The following AMBRA1 variants were observed in gnomAD, a reference collection of about 807,000 sequenced individuals.
AMBRA1 encodes autophagy and beclin 1 regulator 1, also known as activating molecule in BECN1-regulated autophagy protein 1.
Under a neutral mutation model 125.4 loss-of-function variants are expected in AMBRA1, and 47 were observed. The observed-to-expected ratio is 0.37, with a 90% confidence interval of 0.30 to 0.48. AMBRA1 has a LOEUF of 0.48. Ranked by LOEUF, AMBRA1 falls within the 20% of genes least tolerant of loss-of-function variation. The pLI is 0.99. For missense variants in AMBRA1, 1,331 were observed against 1,693.4 expected, an observed-to-expected ratio of 0.79 and a Z score of 3.76; for synonymous variants, 626 against 655.5, an observed-to-expected ratio of 0.95 and a Z score of 0.69.
chr11:46,507,780 C>T (rs966279883), intron 9 of AMBRA1, among the ~76,000 whole-genome samples: 2 of 152,150 alleles, frequency 1.3e-5, no homozygotes, highest in Admixed American at 1.3e-4. Flanking sequence ...TATTTCAGAA[C>T]GAAGACAACA....
intron 11 of AMBRA1, among the ~76,000 whole-genome samples, chr11:46,491,637 T>C (rs1950466679): frequency 6.6e-6 from 1 of 152,224 alleles, no homozygotes; most frequent in Non-Finnish European, 1.5e-5. Context: ...ACTAGTTTAA[T>C]GGTGAATGAA....
intron 11 of AMBRA1, among the ~76,000 whole-genome samples, chr11:46,468,775 G>GCACTC (rs1346024415): frequency 6.7e-6 from 1 of 148,962 alleles, no homozygotes; most frequent in East Asian, 2.0e-4. Context: ...TCACACCACT[G>GCACTC]CACTCCAGCC....
chr11:46,408,213 T>C (rs1304348729), intron 17 of AMBRA1, among the ~76,000 whole-genome samples: 1 of 152,180 alleles, frequency 6.6e-6, no homozygotes, highest in African/African-American at 2.4e-5. Context: ...GAATGGCAGC[T>C]TGCAGGAGGG....
intron 1 of AMBRA1, among the ~76,000 whole-genome samples, chr11:46,551,844 A>G (rs1031869013): frequency 6.6e-6 from 1 of 152,140 alleles, no homozygotes; most frequent in Non-Finnish European, 1.5e-5. Flanking sequence ...CCTGGTCAAC[A>G]TGGTGAAACC....
At chr11:46,539,195 C>A (rs577384679) in intron 7 of AMBRA1, among the ~76,000 whole-genome samples, 1 of 152,104 alleles carries the variant, frequency 6.6e-6, no homozygotes, top group East Asian at 1.9e-4. Context: ...ATACTTTTCT[C>A]TTCGTTTTTA....
intron 7 of AMBRA1, among the ~76,000 whole-genome samples, chr11:46,527,807 TAAC>T (rs1281486225): frequency 6.6e-6 from 1 of 151,530 alleles, no homozygotes; most frequent in Non-Finnish European, 1.5e-5. Context: ...AAACAGGAAA[TAAC>T]AAGTGCTGAC....
At chr11:46,593,499 G>A (rs1016350096) in intron 1 of AMBRA1, among the ~76,000 whole-genome samples, 3 of 152,166 alleles carry the variant, frequency 2.0e-5, no homozygotes, top group Non-Finnish European at 2.9e-5. Flanking sequence ...TCGGGGTGGG[G>A]GGAAAAGGAG....
chr11:46,585,276 G>A (rs1197445972), intron 1 of AMBRA1, among the ~76,000 whole-genome samples: 1 of 151,666 alleles, frequency 6.6e-6, no homozygotes, highest in African/African-American at 2.4e-5. Context: ...TTTATCTGCT[G>A]AGCTTCCCTC....
At chr11:46,566,543 T>A (rs2043539932) in intron 1 of AMBRA1, among the ~76,000 whole-genome samples, 1 of 152,146 alleles carries the variant, frequency 6.6e-6, no homozygotes, top group Admixed American at 6.6e-5. Flanking sequence ...TACAACATTC[T>A]TAAAATGACA....
At chr11:46,564,500 T>C (rs990609497) in intron 1 of AMBRA1, among the ~76,000 whole-genome samples, 1 of 152,014 alleles carries the variant, frequency 6.6e-6, no homozygotes, top group Non-Finnish European at 1.5e-5. Context: ...CAAAATCAAA[T>C]CTGTTGCCAA....
At chr11:46,592,682 C>T (rs113627815) in intron 1 of AMBRA1, among the ~76,000 whole-genome samples, 2 of 151,774 alleles carry the variant, frequency 1.3e-5, no homozygotes, top group East Asian at 1.9e-4. Context: ...CGCTTGAACC[C>T]GGGAGGCAGA....
At chr11:46,412,636 T>C (rs954201349) in intron 15 of AMBRA1, among the ~76,000 whole-genome samples, 1 of 152,154 alleles carries the variant, frequency 6.6e-6, no homozygotes, top group Non-Finnish European at 1.5e-5. Context: ...CAAAATGTTT[T>C]TGATTTATGG....
rs766803928 is a variant in AMBRA1, at chr11:46,543,214, G to A, written c.803C>T (p.Pro268Leu). 1.7e-5 allele frequency: 27 copies of A among 1,607,966 alleles called. No homozygotes were observed. The East Asian group carries it at 5.6e-4, about 33-fold the overall frequency. Residue 268 changes from proline (P) to leucine (L), a missense_variant, in exon 7 of 18, where the codon CCC becomes CTC. By Grantham distance (98) the Pro-to-Leu change is moderately conservative. Transcript: ENST00000683756. ...CTGAGGGGGAGGCGGTGGGGGTGAGGGGGTAGCAGAATCTTGCACTGTGCT... is the reference window on the plus strand; with the variant it reads ...CTGAGGGGGAGGCGGTGGGGGTGAGAGGGTAGCAGAATCTTGCACTGTGCT... ...EQSTVQDSATPSPPPPPPQPS... is the reference protein window; with the variant it reads ...EQSTVQDSATLSPPPPPPQPS...
chr11:46,489,924 T>A (rs1045877239), intron 11 of AMBRA1, among the ~76,000 whole-genome samples: 1 of 152,174 alleles, frequency 6.6e-6, no homozygotes, highest in Non-Finnish European at 1.5e-5. Flanking sequence ...AAGACCCGGT[T>A]TAAAATTCCA....
chr11:46,453,540 G>T (rs1181190027), intron 11 of AMBRA1, among the ~76,000 whole-genome samples: 1 of 152,106 alleles, frequency 6.6e-6, no homozygotes, highest in African/African-American at 2.4e-5. Flanking sequence ...ATACTGTGTG[G>T]AAAACCAGCA....
chr11:46,543,876 G>A, intron 6 of AMBRA1, 99 bp downstream of exon 6: 2 of 960,826 alleles, frequency 2.1e-6, no homozygotes, highest in Middle Eastern at 2.2e-4. Context: ...GATAAGACTT[G>A]GGTATTGAGA....
In AMBRA1 at chr11:46,548,390, T is replaced by A; in HGVS notation, c.-10A>T. On this transcript the variant is annotated 5_prime_UTR_variant, in exon 2 of 18. Transcript: ENST00000683756. ...CTGGGACAACCTTCATGGCGCTCAG[T>A]AGCCACTGTCACACCAGGCCCAGGA... is the stretch of plus-strand genomic sequence containing the variant. 1.2e-6 allele frequency: 2 copies of A among 1,613,398 alleles called. No homozygotes were observed. The highest frequency in any genetic ancestry group is 2.2e-5 in the South Asian group (2 of 91,078).
chr11:46,593,452 G>A (rs1206873876), intron 1 of AMBRA1, among the ~76,000 whole-genome samples: 1 of 152,062 alleles, frequency 6.6e-6, no homozygotes, highest in South Asian at 2.1e-4. Flanking sequence ...ACTCAGTAGG[G>A]GTCCCCAGTG....
chr11:46,490,901 A>G (rs1651748654), intron 11 of AMBRA1: 1 of 152,216 alleles, frequency 6.6e-6, no homozygotes. Flanking sequence ...CATTCCAATC[A>G]TACATGACAA....
Sources: allele counts gnomAD v4.1 joint callset (sites outside exome capture counted in the v4.1 genomes callset), GRCh38; gene constraint gnomAD v4.1.1; transcripts MANE v1.5; gene names NCBI Gene and HGNC (gene_info 2026-07-23, HGNC 2026-07-21).